ZNF248: variants seen among roughly 807,000 people sequenced by gnomAD.
ZNF248 encodes KRAB protein domain.
ZNF248 carries 20 observed loss-of-function variants against 44.3 expected under a neutral mutation model. The observed-to-expected ratio is 0.45, with a 90% CI of 0.32 to 0.66. The LOEUF is 0.66. Among genes scored for constraint, ZNF248 ranks in the 30% least tolerant of loss-of-function variants. The pLI is 0.04. For missense variants in ZNF248, 654 were observed against 677.0 expected, an observed-to-expected ratio of 0.97 and a Z score of 0.38; for synonymous variants, 224 against 229.0, an observed-to-expected ratio of 0.98 and a Z score of 0.20.
At chr10:37,801,077 A>T (rs1381067870) in intron 6 of ZNF248, among the ~76,000 whole-genome samples, 3 of 151,808 alleles carry the variant, frequency 2.0e-5, no homozygotes, top group South Asian at 4.2e-4. Context: ...AACATTTTTA[A>T]AAAAATATCA....
chr10:37,792,788 G>A (rs12243792), intron 6 of ZNF248, among the ~76,000 whole-genome samples: 36,062 of 151,996 alleles, frequency 0.24, 4,447 homozygotes, highest in East Asian at 0.4. Context: ...GTAAGTGCCA[G>A]GGTCTTGAAA....
chr10:37,849,735 TG>T (rs893217300), intron 3 of ZNF248, among the ~76,000 whole-genome samples: 27 of 151,576 alleles, frequency 1.8e-4, no homozygotes, highest in African/African-American at 6.3e-4. Context: ...AGAAATAGAA[TG>T]AACATGGAAG....
the ZNF248 span, among the ~76,000 whole-genome samples, chr10:37,761,645 A>G: frequency 6.6e-6 from 1 of 152,254 alleles, no homozygotes; most frequent in Non-Finnish European, 1.5e-5. Context: ...ACTTCAAAGA[A>G]TCAGGCTTGC....
At chr10:37,791,664 A>C (rs537109767) in intron 6 of ZNF248, 14 of 152,218 alleles carry the variant, frequency 9.2e-5, no homozygotes, top group Admixed American at 1.3e-4. Flanking sequence ...GCAACAAAAG[A>C]CAAAAAGAAG....
intron 6 of ZNF248, among the ~76,000 whole-genome samples, chr10:37,805,739 T>C (rs909839640): frequency 1.8e-4 from 27 of 152,174 alleles, no homozygotes; most frequent in Non-Finnish European, 3.5e-4. Flanking sequence ...ATATAAAATA[T>C]TCTAACGTAA....
At chr10:37,773,012 C>T (rs996336196), downstream of ZNF248, among the ~76,000 whole-genome samples, 3 of 152,116 alleles carry the variant, frequency 2.0e-5, no homozygotes, top group Non-Finnish European at 4.4e-5. Context: ...TGGGGGAGGC[C>T]GAGGCCTGTG....
At chr10:37,801,131 C>T (rs1026793795) in intron 6 of ZNF248, among the ~76,000 whole-genome samples, 1 of 151,860 alleles carries the variant, frequency 6.6e-6, no homozygotes, top group Non-Finnish European at 1.5e-5. Flanking sequence ...AATCCCAGCA[C>T]CTTGGGAGGC....
intron 6 of ZNF248, chr10:37,819,680 C>T: frequency 1.3e-6 from 1 of 792,624 alleles, no homozygotes. Flanking sequence ...TTTAAGATGA[C>T]CTAACCGGAG....
Position 37,831,842 on chromosome 10 carries a change from A to C in ZNF248, c.1513T>G (p.Ser505Ala). ...NECGKSFCVKSNLIVHQRTHT... is the reference protein window; with the variant it reads ...NECGKSFCVKANLIVHQRTHT... ...GTTCTTTGATGTACAATGAGGTTTG[A>C]CTTCACACAGAAGGATTTTCCACAT... Residue 505 changes from serine (S) to alanine (A), a missense_variant, in exon 6 of 6, where the codon TCA becomes GCA. Coordinates refer to ENST00000395867, the MANE Select transcript of ZNF248 (RefSeq NM_021045.3). 6.2e-7 allele frequency: 1 copy of C among 1,613,922 alleles called. No homozygotes were observed.
chr10:37,788,774 A>G (rs2048177404), intron 6 of ZNF248, among the ~76,000 whole-genome samples: 1 of 152,246 alleles, frequency 6.6e-6, no homozygotes, highest in African/African-American at 2.4e-5. Context: ...GATATGGAGA[A>G]ACTGGAACCC....
Position 37,831,055 on chromosome 10 carries a change from T to C in ZNF248, c.*560A>G, listed in dbSNP as rs2055486649. 7.4e-6 allele frequency: 9 copies of C among 1,216,242 alleles called. No homozygotes were observed. Among genetic ancestry groups the C allele is most frequent in the African/African-American group, 1.5e-5 (1 of 64,840 alleles). The allele number at this position is 1,216,242 out of a possible 1,614,324, so 75.3% of individuals were successfully genotyped here. ...ATTTACATATACACACAAACATATG[T>C]ACATACACATATATAATTATGTCAA... On this transcript the variant is annotated 3_prime_UTR_variant, in exon 6 of 6. Coordinates refer to ENST00000395867, the MANE Select transcript of ZNF248 (RefSeq NM_021045.3).
intron 6 of ZNF248, among the ~76,000 whole-genome samples, chr10:37,813,670 A>C (rs1194215690): frequency 6.6e-6 from 1 of 152,114 alleles, no homozygotes; most frequent in African/African-American, 2.4e-5. Flanking sequence ...CATGTTAATC[A>C]GCTGTTTATG....
At chr10:37,835,694 A>T (rs887070046) in intron 5 of ZNF248, among the ~76,000 whole-genome samples, 2 of 152,188 alleles carry the variant, frequency 1.3e-5, no homozygotes, top group African/African-American at 4.8e-5. Context: ...AAAAGAAAGA[A>T]GATGAGGAGG....
At chr10:37,853,740 T>C (rs1053415912) in intron 3 of ZNF248, among the ~76,000 whole-genome samples, 1 of 152,152 alleles carries the variant, frequency 6.6e-6, no homozygotes, top group African/African-American at 2.4e-5. Context: ...CACTCCAGAA[T>C]TCTGTCTTTA....
chr10:37,799,842 T>C (rs1482058791), intron 6 of ZNF248, among the ~76,000 whole-genome samples: 2 of 152,158 alleles, frequency 1.3e-5, no homozygotes, highest in East Asian at 3.9e-4. Context: ...AAAATTAGAT[T>C]TGTCCTCATA....
At chr10:37,787,892 G>C (rs1004571295) in intron 6 of ZNF248, among the ~76,000 whole-genome samples, 3 of 152,146 alleles carry the variant, frequency 2.0e-5, no homozygotes, top group African/African-American at 4.8e-5. Context: ...ATAACATTGA[G>C]ACAATGAAAA....
At chr10:37,764,508 C>G in the ZNF248 span, among the ~76,000 whole-genome samples, 2 of 152,176 alleles carry the variant, frequency 1.3e-5, no homozygotes, top group Non-Finnish European at 2.9e-5. Flanking sequence ...CCAGACCCTA[C>G]TAGAACACTC....
rs776534400 is a variant in ZNF248, at chr10:37,832,708, T to C, written c.647A>G (p.Tyr216Cys). 5 of 1,613,620 alleles carry C rather than the reference T, an allele frequency of 3.1e-6. No homozygotes were observed. The South Asian group carries it at 4.4e-5, about 14-fold the overall frequency. Residue 216 changes from tyrosine (Y) to cysteine (C), a missense_variant, in exon 6 of 6, where the codon TAT becomes TGT. Transcript: ENST00000395867. ...SQPSFGQSFE[Y>C]SKNGQGFHDE... ...ATGGAAGCCTTGTCCATTTTTACTA[T>C]ACTCAAAAGATTGGCCAAAACTTGG...
chr10:37,786,712 T>G (rs1246602859), intron 6 of ZNF248, among the ~76,000 whole-genome samples: 1 of 152,230 alleles, frequency 6.6e-6, no homozygotes, highest in Non-Finnish European at 1.5e-5. Context: ...GCTGCTTTCT[T>G]TCTCAAAATT....
Sources: gnomAD v4.1 joint callset for allele counts (sites outside exome capture counted in the v4.1 genomes callset) on GRCh38, gnomAD v4.1.1 for gene constraint, MANE v1.5 for transcripts, NCBI Gene and HGNC (gene_info 2026-07-23, HGNC 2026-07-21) for gene names.